ORC3: variants seen among roughly 807,000 people sequenced by gnomAD.
ORC3 encodes the protein origin recognition complex subunit 3.
Under a neutral mutation model 100.7 loss-of-function variants are expected in ORC3, and 78 were observed. That is an observed-to-expected ratio of 0.77 (90% CI 0.65 to 0.94). The LOEUF (loss-of-function observed/expected upper bound fraction) is 0.94. ORC3 is among the 40% of genes least tolerant of loss of function. ORC3 has a pLI of 0.00. For missense variants in ORC3, 789 were observed against 823.9 expected (o/e 0.96, Z 0.52); for synonymous variants, 295 against 289.3 (o/e 1.02, Z -0.20).
chr6:87,605,148 C>T (rs1020315769), intron 4 of ORC3, among the ~76,000 whole-genome samples: 26 of 152,102 alleles, frequency 1.7e-4, no homozygotes, highest in African/African-American at 5.8e-4. Context: ...TCCGTAAATA[C>T]CAAAAGAACC....
At chr6:87,658,638 A>G (rs1305657764) in intron 16 of ORC3, among the ~76,000 whole-genome samples, 1 of 152,130 alleles carries the variant, frequency 6.6e-6, no homozygotes, top group African/African-American at 2.4e-5. Flanking sequence ...CTAATAATAA[A>G]GTATTTGTAT....
At chr6:87,672,475 G>C in the ORC3 span, among the ~76,000 whole-genome samples, 3 of 152,228 alleles carry the variant, frequency 2.0e-5, no homozygotes, top group Admixed American at 6.5e-5. Flanking sequence ...AAATGCAGGA[G>C]CAAGAGAATT....
chr6:87,675,795 A>G, the ORC3 span: 2 of 1,511,804 alleles, frequency 1.3e-6, no homozygotes, highest in African/African-American at 2.8e-5. Flanking sequence ...GAAAATAATT[A>G]TAATGTCTTC....
intron 14 of ORC3, among the ~76,000 whole-genome samples, chr6:87,654,751 A>T (rs544833765): frequency 6.6e-6 from 1 of 152,350 alleles, no homozygotes; most frequent in African/African-American, 2.4e-5. Context: ...AATGGGACTT[A>T]TGGAGATTGC....
intron 1 of ORC3, among the ~76,000 whole-genome samples, chr6:87,593,976 T>C (rs1411153990): frequency 6.6e-6 from 1 of 152,280 alleles, no homozygotes. Context: ...ATTACAGGCA[T>C]GAGCCACTGT....
chr6:87,655,653 A>AATT (rs1320647734), intron 14 of ORC3, among the ~76,000 whole-genome samples: 2 of 150,550 alleles, frequency 1.3e-5, no homozygotes, highest in Non-Finnish European at 3.0e-5. Flanking sequence ...TCATCAGCCT[A>AATT]ATTATTATTA....
the ORC3 span, among the ~76,000 whole-genome samples, chr6:87,673,154 A>ATTTTT: frequency 1.5e-5 from 1 of 65,880 alleles, no homozygotes; most frequent in Non-Finnish European, 2.7e-5. Flanking sequence ...AAAAAAAAAA[A>ATTTTT]TTTTTTTTTT....
intron 13 of ORC3, among the ~76,000 whole-genome samples, chr6:87,638,789 A>G (rs905064308): frequency 3.9e-5 from 6 of 152,158 alleles, no homozygotes; most frequent in African/African-American, 7.2e-5. Flanking sequence ...GGTATTACTT[A>G]GTTACACTTA....
chr6:87,664,130 A>G (rs1193358620), intron 17 of ORC3, among the ~76,000 whole-genome samples: 1 of 151,990 alleles, frequency 6.6e-6, no homozygotes, highest in Non-Finnish European at 1.5e-5. Flanking sequence ...AACTGGTATG[A>G]TTTCAGTTGT....
Position 87,657,913 on chromosome 6 carries a change from A to T in ORC3, c.1594-8A>T. On this transcript the variant is annotated splice_region_variant and splice_polypyrimidine_tract_variant and intron_variant, in intron 15 of 19. Transcript: ENST00000392844. ...ATCACCAGAAAAGCTATGTTCTTTT[A>T]TCTATAGTCCTTATTGGAAATGAAG... is the stretch of plus-strand genomic sequence containing the variant. 7.0e-7 allele frequency: 1 copy of T among 1,435,702 alleles called. No individual in the cohort carries two copies. The highest frequency in any genetic ancestry group is 9.8e-7 in the Non-Finnish European group (1 of 1,018,094). The allele number at this position is 1,435,702 out of a possible 1,614,324, so 88.9% of individuals were successfully genotyped here. A position where few individuals can be genotyped will look rare whatever the true frequency, so the allele number is the denominator to read the frequency against.
rs192319495 is a variant in ORC3, at chr6:87,654,819, G to A, written c.1516+1570G>A. Among the ~76,000 whole-genome samples the A allele has an allele frequency of 1.8e-3, 268 of 152,216 alleles. 6 individuals carry two copies. The highest frequency in any genetic ancestry group is 5.6e-4 in the Non-Finnish European group (38 of 68,002). ...TCTTTTTTTGCTGGGCACCATTAACGAGGTAATCTAGATACATTTTTAATT... is the reference window on the plus strand; with the variant it reads ...TCTTTTTTTGCTGGGCACCATTAACAAGGTAATCTAGATACATTTTTAATT... On this transcript the variant is annotated intron_variant, in intron 14 of 19. Transcript: ENST00000392844.
At chr6:87,617,535 G>C (rs1052034414) in intron 9 of ORC3, among the ~76,000 whole-genome samples, 3 of 152,014 alleles carry the variant, frequency 2.0e-5, no homozygotes, top group African/African-American at 7.2e-5. Flanking sequence ...AGTAGTTTGA[G>C]ACCAGCCTGA....
chr6:87,624,736 C>T (rs751782416), intron 11 of ORC3, among the ~76,000 whole-genome samples: 2 of 152,024 alleles, frequency 1.3e-5, no homozygotes, highest in South Asian at 2.1e-4. Flanking sequence ...GGTACATATG[C>T]GCAACGTGCA....
intron 12 of ORC3, 37 bp from the exon 13 acceptor site, chr6:87,636,370 A>T (rs1767828471): frequency 2.3e-6 from 3 of 1,307,150 alleles, no homozygotes; most frequent in Non-Finnish European, 3.3e-6. Flanking sequence ...GTGTGTATAC[A>T]CTTTTGGTTC....
rs397935596 is a variant in ORC3 at position 87,602,954 on chromosome 6, A to AATATATATATATATATATAT, written c.178-413_178-412insTATATATATATATATATATA. 7.5e-3 allele frequency among the ~76,000 whole-genome samples: 707 copies of AATATATATATATATATATAT among 94,348 alleles called. 24 individuals are homozygous for AATATATATATATATATATAT. The highest frequency in any genetic ancestry group is 0.011 in the Middle Eastern group (2 of 190). 61.9% of individuals were successfully genotyped at this position (94,348 alleles called of 152,430 possible). A position where few individuals can be genotyped will look rare whatever the true frequency, so the allele number is the denominator to read the frequency against. On this transcript the variant is annotated intron_variant, in intron 3 of 19. Coordinates refer to ENST00000392844, the MANE Select transcript of ORC3 (RefSeq NM_012381.4). ...CGTTTATATATATATACACATATAT[A>AATATATATATATATATATAT]ATATATATATATATATACATATATA...
At chr6:87,630,496 T>C (rs751276005) in intron 11 of ORC3, among the ~76,000 whole-genome samples, 5 of 152,208 alleles carry the variant, frequency 3.3e-5, no homozygotes, top group African/African-American at 4.8e-5. Flanking sequence ...GCCTATTATG[T>C]GCCCGGTGTT....
intron 1 of ORC3, among the ~76,000 whole-genome samples, chr6:87,591,501 G>A (rs532650283): frequency 6.6e-6 from 1 of 152,136 alleles, no homozygotes; most frequent in African/African-American, 2.4e-5. Flanking sequence ...AAATGGTACT[G>A]GTTTTATTTT....
chr6:87,658,512 C>T (rs1769905040), intron 16 of ORC3, among the ~76,000 whole-genome samples: 1 of 151,618 alleles, frequency 6.6e-6, no homozygotes, highest in Non-Finnish European at 1.5e-5. Flanking sequence ...ATCAAGATGT[C>T]TAATCAAATG....
intron 2 of ORC3, among the ~76,000 whole-genome samples, chr6:87,599,308 G>A (rs1211153009): frequency 6.6e-6 from 1 of 151,592 alleles, no homozygotes; most frequent in Non-Finnish European, 1.5e-5. Context: ...GACTATTTTT[G>A]TTCTTTTTAA....
Sources: gnomAD v4.1 joint callset for allele counts (sites outside exome capture counted in the v4.1 genomes callset) on GRCh38, gnomAD v4.1.1 for gene constraint, MANE v1.5 for transcripts, NCBI Gene and HGNC (gene_info 2026-07-23, HGNC 2026-07-21) for gene names.